Variants in PKP2 observed in about 807,000 individuals in gnomAD.
PKP2 encodes plakophilin 2.
Under a neutral mutation model 83.4 loss-of-function variants are expected in PKP2, and 73 were observed. That is an observed-to-expected ratio of 0.88 (90% CI 0.72 to 1.06). The LOEUF is 1.06. Among genes scored for constraint, PKP2 ranks in the 50% least tolerant of loss-of-function variants. The probability of loss-of-function intolerance (pLI) is 0.00; values close to 1 mark genes in which losing one functional copy is unlikely to be tolerated. For synonymous variants in PKP2, 409 were observed against 430.4 expected (o/e 0.95, Z 0.62); for missense variants, 966 against 1,065.4 (o/e 0.91, Z 1.30).
At chr12:32,810,231 T>C (rs1279590903) in intron 9 of PKP2, among the ~76,000 whole-genome samples, 1 of 152,190 alleles carries the variant, frequency 6.6e-6, no homozygotes, top group Non-Finnish European at 1.5e-5. Flanking sequence ...CATTTCACCA[T>C]TGGTCAATGA....
rs1466417672 is a variant in PKP2 at position 32,896,492 on chromosome 12, C to T, written c.223+17G>A. Reference sequence around the variant, plus strand: ...TGGGGCAGGGGGCGGCGCCGGGGAGCGGCGGGCTCCACTCACCGTTGCCCA... The same window carrying T: ...TGGGGCAGGGGGCGGCGCCGGGGAGTGGCGGGCTCCACTCACCGTTGCCCA... On this transcript the variant is annotated intron_variant, in intron 1 of 12. Transcript: ENST00000340811. 2 of 1,456,860 alleles carry T rather than the reference C, an allele frequency of 1.4e-6. No individual in the cohort carries two copies. Among genetic ancestry groups the T allele is most frequent in the Non-Finnish European group, 1.8e-6 (2 of 1,101,732 alleles). The allele number at this position is 1,456,860 out of a possible 1,614,324, so 90.2% of individuals were successfully genotyped here. A position where few individuals can be genotyped will look rare whatever the true frequency, so the allele number is the denominator to read the frequency against.
At position 32,790,838 on chromosome 12, in the gene PKP2, A is replaced by G. The variant is rs1005176715; in HGVS notation, c.*1586T>C. 5 of 152,214 alleles carry G rather than the reference A, an allele frequency of 3.3e-5. No individual in the cohort carries two copies. Among genetic ancestry groups the G allele is most frequent in the African/African-American group, 2.4e-5 (1 of 41,456 alleles). 9.4% of individuals were successfully genotyped at this position (152,214 alleles called of 1,614,324 possible). On this transcript the variant is annotated 3_prime_UTR_variant, in exon 13 of 13. Coordinates refer to ENST00000340811, the MANE Select transcript of PKP2 (RefSeq NM_001005242.3). ...GAACACACATTTATTATCTGGAGGA[A>G]TAAATGCACTCCAAATGCTTATCAT...
chr12:32,866,276 G>C (rs1222402118), intron 4 of PKP2, among the ~76,000 whole-genome samples: 1 of 152,080 alleles, frequency 6.6e-6, no homozygotes, highest in African/African-American at 2.4e-5. Flanking sequence ...GTTCTGGCTG[G>C]GTGTGGTGGC....
At chr12:32,873,705 T>C (rs536550762) in intron 3 of PKP2, among the ~76,000 whole-genome samples, 1 of 152,114 alleles carries the variant, frequency 6.6e-6, no homozygotes, top group Non-Finnish European at 1.5e-5. Flanking sequence ...AACTTTTGTA[T>C]TTTTAGTAGA....
intron 3 of PKP2, among the ~76,000 whole-genome samples, chr12:32,875,125 T>C (rs374631078): frequency 1.3e-5 from 2 of 152,156 alleles, no homozygotes; most frequent in East Asian, 3.9e-4. Context: ...TGATTGAGCA[T>C]TCACAAAAAT....
intron 4 of PKP2, among the ~76,000 whole-genome samples, chr12:32,853,368 T>C (rs1156559274): frequency 6.7e-6 from 1 of 149,254 alleles, no homozygotes; most frequent in Admixed American, 6.7e-5. Flanking sequence ...TAAGTGATAC[T>C]TAACCTGTAT....
chr12:32,892,285 G>T (rs535123182), intron 1 of PKP2, among the ~76,000 whole-genome samples: 1 of 150,238 alleles, frequency 6.7e-6, no homozygotes, highest in African/African-American at 2.4e-5. Flanking sequence ...GCTACCCTGA[G>T]CCAATTTTCA....
Position 32,824,308 on chromosome 12 carries a change from T to G in PKP2, c.1557-146A>C, listed in dbSNP as rs1956412971. The G allele has an allele frequency of 3.9e-5, 27 of 698,952 alleles. No homozygotes were observed. The South Asian group carries it at 4.0e-4, about 10-fold the overall frequency. 43.3% of individuals were successfully genotyped at this position (698,952 alleles called of 1,614,324 possible). On this transcript the variant is annotated intron_variant, in intron 6 of 12. Transcript: ENST00000340811. ...GTGGCAGACTTGCCCAGTCAACAAA[T>G]CATTGACTGCTTAATAGATCAACTA...
intron 4 of PKP2, among the ~76,000 whole-genome samples, chr12:32,851,989 T>C (rs976905917): frequency 4.6e-5 from 7 of 152,166 alleles, no homozygotes; most frequent in Non-Finnish European, 8.8e-5. Flanking sequence ...ATAATCCTAA[T>C]CTAAGCAGGG....
At position 32,803,337 on chromosome 12, in the gene PKP2, C is replaced by T. The variant is rs963949552; in HGVS notation, c.2014-781G>A. 6.6e-5 allele frequency among the ~76,000 whole-genome samples: 10 copies of T among 152,282 alleles called. No homozygotes were observed. The East Asian group carries it at 1.2e-3, about 18-fold the overall frequency. ...GCAGAGAGCCAAGATCATGCCACTGCGCTCAGCCTGGGTGACAGAGTGACA... is the reference window on the plus strand; with the variant it reads ...GCAGAGAGCCAAGATCATGCCACTGTGCTCAGCCTGGGTGACAGAGTGACA... On this transcript the variant is annotated intron_variant, in intron 9 of 12. Coordinates refer to ENST00000340811, the MANE Select transcript of PKP2 (RefSeq NM_001005242.3).
At chr12:32,815,013 T>G (rs1956307790) in intron 9 of PKP2, among the ~76,000 whole-genome samples, 1 of 152,014 alleles carries the variant, frequency 6.6e-6, no homozygotes, top group Non-Finnish European at 1.5e-5. Flanking sequence ...TACGGTTCAT[T>G]TAACTTTTTT....
chr12:32,863,245 CCT>C (rs1334871057), intron 4 of PKP2: 1 of 249,114 alleles, frequency 4.0e-6, no homozygotes, highest in Non-Finnish European at 8.7e-6. Flanking sequence ...CAAGAGATGT[CCT>C]TATGTATACA....
chr12:32,847,101 GAA>G (rs968932354), intron 5 of PKP2, among the ~76,000 whole-genome samples: 1 of 145,680 alleles, frequency 6.9e-6, no homozygotes, highest in East Asian at 2.0e-4. Flanking sequence ...TAGGGGTTCA[GAA>G]AAAAAAAAGG....
intron 1 of PKP2, among the ~76,000 whole-genome samples, chr12:32,884,112 A>C (rs1957009057): frequency 6.6e-6 from 1 of 152,220 alleles, no homozygotes; most frequent in Admixed American, 6.5e-5. Flanking sequence ...TTACCATTAG[A>C]TCAGGCCCAC....
chr12:32,857,959 G>A (rs1161666016), intron 4 of PKP2, among the ~76,000 whole-genome samples: 2 of 147,906 alleles, frequency 1.4e-5, no homozygotes, highest in Non-Finnish European at 3.0e-5. Context: ...CTGGTGTGGT[G>A]GCTCACGCCT....
chr12:32,803,706 G>A lies in PKP2; in HGVS notation c.2014-1150C>T, dbSNP rs575008039. 2.6e-5 allele frequency among the ~76,000 whole-genome samples: 4 copies of A among 152,268 alleles called. No homozygotes were observed. The East Asian group carries it at 7.7e-4, about 29-fold the overall frequency. On this transcript the variant is annotated intron_variant, in intron 9 of 12. Coordinates refer to ENST00000340811, the MANE Select transcript of PKP2 (RefSeq NM_001005242.3). ...TTTGGAATATTTGCAAATATATAAT[G>A]AAATATCTTGGGGATGAGAACCAAG...
At chr12:32,849,611 C>T (rs1378989189) in intron 5 of PKP2, among the ~76,000 whole-genome samples, 2 of 152,162 alleles carry the variant, frequency 1.3e-5, no homozygotes, top group Non-Finnish European at 2.9e-5. Flanking sequence ...ATCAACAAAT[C>T]ATCTTCTCTT....
intron 10 of PKP2, among the ~76,000 whole-genome samples, chr12:32,801,064 T>G (rs909272803): frequency 1.3e-5 from 2 of 152,236 alleles, no homozygotes; most frequent in Admixed American, 6.5e-5. Flanking sequence ...ATATTTGACA[T>G]GAAGCCAATC....
intron 4 of PKP2, among the ~76,000 whole-genome samples, chr12:32,859,670 G>T (rs959285982): frequency 6.6e-6 from 1 of 152,088 alleles, no homozygotes; most frequent in Admixed American, 6.6e-5. Flanking sequence ...TGGCCAGGCT[G>T]GTCTTGAACT....
Sources: gnomAD v4.1 joint callset for allele counts (sites outside exome capture counted in the v4.1 genomes callset) on GRCh38, gnomAD v4.1.1 for gene constraint, MANE v1.5 for transcripts, NCBI Gene and HGNC (gene_info 2026-07-23, HGNC 2026-07-21) for gene names.